The following SNRPN variants were observed in gnomAD, a reference collection of about 807,000 sequenced individuals.
SNRPN encodes small nuclear ribonucleoprotein-associated protein N.
SNRPN carries 7 observed loss-of-function variants against 25.2 expected under a neutral mutation model. That is an observed-to-expected ratio of 0.28 (90% CI 0.16 to 0.52). The LOEUF (loss-of-function observed/expected upper bound fraction) is 0.52, where lower values mean the gene tolerates loss of function less well. SNRPN is among the 20% of genes least tolerant of loss of function. SNRPN has a pLI of 0.96. For synonymous variants in SNRPN, 124 were observed against 110.6 expected (o/e 1.12, Z -0.76); for missense variants, 196 against 322.5 (o/e 0.61, Z 3.00).
chr15:24,902,170 G>A (rs1021160734), intron 2 of SNRPN, among the ~76,000 whole-genome samples: 7 of 152,156 alleles, frequency 4.6e-5, no homozygotes, highest in Non-Finnish European at 8.8e-5. Flanking sequence ...TAGATGGAGA[G>A]GTGAATGAAA....
At chr15:24,834,730 T>TCC (rs1190034451) in intron 2 of SNRPN, among the ~76,000 whole-genome samples, 18 of 65,740 alleles carry the variant, frequency 2.7e-4, no homozygotes, top group African/African-American at 1.5e-3. Flanking sequence ...TCTCTCTCCC[T>TCC]CTCTCTCTCT....
At position 24,939,785 on chromosome 15, in the gene SNRPN, C is replaced by A. The variant is rs372922391; in HGVS notation, c.-391+19661C>A. Among the ~76,000 whole-genome samples, 415 of 138,722 alleles carry A rather than the reference C, an allele frequency of 3.0e-3. 2 individuals carry two copies. Among genetic ancestry groups the A allele is most frequent in the South Asian group, 0.019 (81 of 4,336 alleles). The allele number at this position is 138,722 out of a possible 152,430, so 91.0% of individuals were successfully genotyped here. On this transcript the variant is annotated intron_variant, in intron 3 of 11. Coordinates refer to the SNRPN transcript ENST00000400097. ...TTTTTTTAAAGTTGATTATAGAATTCTTCTTTTTTTTTTTTTCTTTTTGAT... is the reference window on the plus strand; with the variant it reads ...TTTTTTTAAAGTTGATTATAGAATTATTCTTTTTTTTTTTTTCTTTTTGAT...
chr15:24,970,035 C>A (rs533190707), intron 3 of SNRPN, among the ~76,000 whole-genome samples: 1 of 152,160 alleles, frequency 6.6e-6, no homozygotes, highest in South Asian at 2.1e-4. Flanking sequence ...GAAGAAAACA[C>A]CAAAGTGGGG....
chr15:24,909,443 C>T, intron 2 of SNRPN: 3 of 1,589,040 alleles, frequency 1.9e-6, no homozygotes, highest in Non-Finnish European at 1.7e-6. Flanking sequence ...GTATTCATCG[C>T]CAGTCACCTC....
chr15:24,925,408 G>A (rs1217245037), intron 3 of SNRPN, among the ~76,000 whole-genome samples: 5 of 151,842 alleles, frequency 3.3e-5, no homozygotes, highest in Non-Finnish European at 5.9e-5. Flanking sequence ...CCAGGAGTTC[G>A]AGACCAGCCT....
At chr15:24,833,358 A>T (rs1417535747) in intron 2 of SNRPN, among the ~76,000 whole-genome samples, 1 of 151,958 alleles carries the variant, frequency 6.6e-6, no homozygotes, top group Non-Finnish European at 1.5e-5. Flanking sequence ...GGAGACAGAA[A>T]ATTTTTCAAT....
At chr15:24,940,028 G>A (rs985025975) in intron 3 of SNRPN, among the ~76,000 whole-genome samples, 1 of 152,102 alleles carries the variant, frequency 6.6e-6, no homozygotes, top group African/African-American at 2.4e-5. Flanking sequence ...GGCCTCCTGT[G>A]ATTCACTCAC....
chr15:24,927,072 T>G (rs1001564596), intron 3 of SNRPN, among the ~76,000 whole-genome samples: 1 of 152,112 alleles, frequency 6.6e-6, no homozygotes, highest in African/African-American at 2.4e-5. Context: ...TAATATTTTT[T>G]CACATTATTT....
chr15:24,974,711 C>T, intron 4 of SNRPN: 1 of 608,744 alleles, frequency 1.6e-6, no homozygotes, highest in Non-Finnish European at 2.9e-6. Context: ...ACCCTGGGTT[C>T]AAGAGATTCT....
At chr15:24,862,950 G>C (rs1001168056) in intron 1 of SNRPN, among the ~76,000 whole-genome samples, 1 of 150,982 alleles carries the variant, frequency 6.6e-6, no homozygotes, top group Non-Finnish European at 1.5e-5. Context: ...ACCATAAAGG[G>C]CCTGAGCAGG....
chr15:24,853,190 A>G (rs1180170373), upstream of SNRPN, among the ~76,000 whole-genome samples: 8 of 152,274 alleles, frequency 5.3e-5, no homozygotes, highest in Admixed American at 2.6e-4. Context: ...TTAAGAACCA[A>G]TGTTAAACAT....
chr15:24,879,272 T>A (rs551348606), intron 1 of SNRPN, among the ~76,000 whole-genome samples: 33 of 151,954 alleles, frequency 2.2e-4, no homozygotes, highest in Admixed American at 3.9e-4. Flanking sequence ...TCGTCTCTAC[T>A]AAAATACAAA....
chr15:24,826,575 G>T (rs2050096496), intron 1 of SNRPN, among the ~76,000 whole-genome samples: 1 of 152,058 alleles, frequency 6.6e-6, no homozygotes, highest in African/African-American at 2.4e-5. Flanking sequence ...GACGATTACT[G>T]TGTCTCTGGT....
chr15:24,836,071 C>T lies in SNRPN; in HGVS notation c.-579+6166C>T, dbSNP rs76642911. The stretch of plus-strand genomic sequence containing the variant: ...CTGGAGGCTATAACGTTCTAGAGGC[C>T]GGCAAGGTTGTATTCTTTGTGACCT... On this transcript the variant is annotated intron_variant, in intron 2 of 12. Transcript: ENST00000400100. 1.4e-3 allele frequency among the ~76,000 whole-genome samples: 206 copies of T among 152,136 alleles called. 1 individual carries two copies. Among genetic ancestry groups the T allele is most frequent in the African/African-American group, 4.8e-3 (198 of 41,452 alleles).
chr15:24,891,066 A>G (rs1001419296), intron 2 of SNRPN, among the ~76,000 whole-genome samples: 2 of 152,080 alleles, frequency 1.3e-5, no homozygotes, highest in African/African-American at 4.8e-5. Flanking sequence ...ATGCACCACC[A>G]CGCTTGGCTA....
At chr15:24,909,150 G>T in intron 2 of SNRPN, 2 of 1,366,774 alleles carry the variant, frequency 1.5e-6, no homozygotes, top group Non-Finnish European at 2.1e-6. Context: ...TTTATGTATT[G>T]AGAGAACTGT....
intron 2 of SNRPN, among the ~76,000 whole-genome samples, chr15:24,898,219 G>T (rs1426349633): frequency 6.6e-6 from 1 of 152,088 alleles, no homozygotes; most frequent in Non-Finnish European, 1.5e-5. Context: ...AAAAATGCAA[G>T]CTTTTTAAAA....
chr15:24,846,865 T>C (rs892861693), intron 2 of SNRPN, among the ~76,000 whole-genome samples: 7 of 152,152 alleles, frequency 4.6e-5, no homozygotes, highest in Non-Finnish European at 7.3e-5. Context: ...ACAGCTGTTG[T>C]AATTGTTAAA....
intron 2 of SNRPN, among the ~76,000 whole-genome samples, chr15:24,834,467 C>A (rs1312736135): frequency 6.6e-6 from 1 of 151,954 alleles, no homozygotes; most frequent in African/African-American, 2.4e-5. Flanking sequence ...GCAAATCAAT[C>A]CTTATTGACT....
Sources: allele counts gnomAD v4.1 joint callset (sites outside exome capture counted in the v4.1 genomes callset), GRCh38; gene constraint gnomAD v4.1.1; transcripts MANE v1.5; gene names NCBI Gene and HGNC (gene_info 2026-07-23, HGNC 2026-07-21).